ORC5: variants seen among roughly 807,000 people sequenced by gnomAD.
The protein encoded by ORC5 is origin recognition complex subunit 5.
A neutral mutation model predicts 58.8 loss-of-function variants in ORC5; 39 were observed. The ratio of observed to expected loss-of-function variants is 0.66; its 90% CI spans 0.51 to 0.87. The LOEUF (loss-of-function observed/expected upper bound fraction) is 0.87. Ranked by LOEUF, ORC5 falls within the 40% of genes least tolerant of loss-of-function variation. The pLI is 0.00. For missense variants in ORC5, 493 were observed against 506.3 expected (o/e 0.97, Z 0.25); for synonymous variants, 218 against 177.6 (o/e 1.23, Z -1.81).
intron 5 of ORC5, among the ~76,000 whole-genome samples, chr7:104,194,553 C>T (rs1799753068): frequency 1.3e-5 from 2 of 151,622 alleles, no homozygotes; most frequent in South Asian, 4.2e-4. Context: ...AAATAGAGCC[C>T]CCAAGAAAAT....
rs149502670 is a variant in ORC5, at chr7:104,188,877, C to G, written c.554-496G>C. Among the ~76,000 whole-genome samples the G allele has an allele frequency of 4.5e-4, 69 of 152,074 alleles. No homozygotes were observed. In the East Asian group the frequency reaches 0.013, roughly 29 times the overall value. The stretch of plus-strand genomic sequence containing the variant: ...TTGTTTCAAAGTGTGCAGCACTTCC[C>G]CCTTCATGCTCTCTCTCCTGCTGGC... On this transcript the variant is annotated intron_variant, in intron 5 of 13. Coordinates refer to ENST00000297431, the MANE Select transcript of ORC5 (RefSeq NM_002553.4).
At chr7:104,205,907 C>A (rs750838342) in intron 1 of ORC5, among the ~76,000 whole-genome samples, 7 of 152,152 alleles carry the variant, frequency 4.6e-5, no homozygotes, top group Non-Finnish European at 7.3e-5. Flanking sequence ...TACTCGGAGG[C>A]TGAGGTGGGC....
chr7:104,182,475 T>G (rs1799455181), intron 8 of ORC5, among the ~76,000 whole-genome samples: 1 of 152,146 alleles, frequency 6.6e-6, no homozygotes. Context: ...TTAGTCCATC[T>G]AGTGGGCAAC....
intron 3 of ORC5, 85 bp downstream of exon 3, chr7:104,200,673 G>A (rs531164052): frequency 1.2e-6 from 1 of 836,970 alleles, no homozygotes; most frequent in Non-Finnish European, 1.9e-6. Flanking sequence ...TACATAATGA[G>A]ACTCAAAACA....
chr7:104,141,289 T>A (rs149796271), intron 12 of ORC5, among the ~76,000 whole-genome samples: 45 of 152,296 alleles, frequency 3.0e-4, no homozygotes, highest in African/African-American at 1.1e-3. Context: ...CAAATTTGTA[T>A]TCACCGTAGA....
At chr7:104,202,607 G>C (rs955124504) in intron 2 of ORC5, 3 of 432,588 alleles carry the variant, frequency 6.9e-6, no homozygotes, top group Non-Finnish European at 1.4e-5. Flanking sequence ...AGAAACTACA[G>C]TGTGATAAAA....
At position 104,205,086 on chromosome 7, in the gene ORC5, C is replaced by CTTTTTTTTTTTTTT. The variant is rs10672012; in HGVS notation, c.73-866_73-853dup. On this transcript the variant is annotated intron_variant, in intron 1 of 13. Transcript: ENST00000297431. ...GAAAACTTGATTTTTTAATAATACTCTTTTTTTTTTTTTTTTTTTTTGAGA... is the reference window on the plus strand; with the variant it reads ...GAAAACTTGATTTTTTAATAATACTCTTTTTTTTTTTTTTTTTTTTTTTTTTTTTTTTTTTGAGA... Among the ~76,000 whole-genome samples, 85 of 99,446 alleles carry CTTTTTTTTTTTTTT rather than the reference C, an allele frequency of 8.5e-4. 6 individuals carry two copies. Among genetic ancestry groups the CTTTTTTTTTTTTTT allele is most frequent in the African/African-American group, 2.1e-3 (57 of 26,918 alleles). 65.2% of individuals were successfully genotyped at this position (99,446 alleles called of 152,430 possible).
rs1263354432 is a variant in ORC5, at chr7:104,126,793, A to T, written c.*55T>A. 7.3e-7 allele frequency: 1 copy of T among 1,361,848 alleles called. No homozygotes were observed. Among genetic ancestry groups the T allele is most frequent in the Middle Eastern group, 1.8e-4 (1 of 5,512 alleles). The allele number at this position is 1,361,848 out of a possible 1,614,324, so 84.4% of individuals were successfully genotyped here. ...CCTTGGCCAGCTAAGTAGCTGGATG[A>T]ACACAGCTTGGCTTAGTCATTGTCA... On this transcript the variant is annotated 3_prime_UTR_variant, in exon 14 of 14. Coordinates refer to ENST00000297431, the MANE Select transcript of ORC5 (RefSeq NM_002553.4).
At chr7:104,163,589 C>T (rs1464001484) in intron 11 of ORC5, among the ~76,000 whole-genome samples, 3 of 152,180 alleles carry the variant, frequency 2.0e-5, no homozygotes, top group African/African-American at 7.2e-5. Flanking sequence ...CAGGTTCACG[C>T]CATTCTCCCG....
chr7:104,161,970 G>A lies in ORC5; in HGVS notation c.1039-788C>T, dbSNP rs77083652. On this transcript the variant is annotated intron_variant, in intron 11 of 13. Coordinates refer to ENST00000297431, the MANE Select transcript of ORC5 (RefSeq NM_002553.4). ...CTAAAAAGATCAATTACAGTAAGTC[G>A]TAGCTTAACTTAGAAAACTAATAAA... is the stretch of plus-strand genomic sequence containing the variant. Among the ~76,000 whole-genome samples the A allele has an allele frequency of 9.6e-3, 1,455 of 152,146 alleles. 5 individuals are homozygous for A. The highest frequency in any genetic ancestry group is 0.013 in the Non-Finnish European group (891 of 68,002).
intron 12 of ORC5, among the ~76,000 whole-genome samples, chr7:104,146,656 G>C (rs1798757255): frequency 6.6e-6 from 1 of 152,180 alleles, no homozygotes; most frequent in Admixed American, 6.5e-5. Flanking sequence ...GGAAGGGGAG[G>C]AAGAGAGGAA....
intron 2 of ORC5, among the ~76,000 whole-genome samples, chr7:104,203,308 C>T (rs917858707): frequency 2.6e-5 from 4 of 152,136 alleles, no homozygotes; most frequent in African/African-American, 9.7e-5. Context: ...CACAGTCATG[C>T]CCATTCACAT....
intron 8 of ORC5, among the ~76,000 whole-genome samples, chr7:104,172,286 A>G (rs1267849230): frequency 1.3e-5 from 2 of 152,252 alleles, no homozygotes; most frequent in African/African-American, 4.8e-5. Context: ...TTATTATGTA[A>G]GAATCATTTT....
At chr7:104,174,227 G>A (rs1027917922) in intron 8 of ORC5, among the ~76,000 whole-genome samples, 48 of 152,010 alleles carry the variant, frequency 3.2e-4, no homozygotes, top group East Asian at 1.2e-3. Context: ...TTTTTCCCTC[G>A]CTTATTTCTA....
At chr7:104,139,588 T>C (rs931196628) in intron 12 of ORC5, among the ~76,000 whole-genome samples, 1 of 152,070 alleles carries the variant, frequency 6.6e-6, no homozygotes, top group African/African-American at 2.4e-5. Context: ...CTATATTCAG[T>C]AAATAAGAAA....
At chr7:104,172,513 T>A (rs17159771) in intron 8 of ORC5, among the ~76,000 whole-genome samples, 6,940 of 152,198 alleles carry the variant, frequency 0.046, 514 homozygotes, top group African/African-American at 0.16. Flanking sequence ...TATTAAGGAA[T>A]AGTTAGTGAT....
intron 12 of ORC5, among the ~76,000 whole-genome samples, chr7:104,140,748 C>A (rs572122864): frequency 6.6e-6 from 1 of 152,274 alleles, no homozygotes; most frequent in East Asian, 1.9e-4. Context: ...ACAAAGCATG[C>A]CCACCATGTG....
chr7:104,165,602 G>T (rs183934346), intron 10 of ORC5: 75 of 199,952 alleles, frequency 3.8e-4, no homozygotes, highest in African/African-American at 1.6e-3. Context: ...AACTTCCAGA[G>T]ATATGGATTT....
intron 12 of ORC5, among the ~76,000 whole-genome samples, chr7:104,150,193 T>C (rs907757308): frequency 1.3e-5 from 2 of 152,234 alleles, no homozygotes; most frequent in African/African-American, 2.4e-5. Context: ...ACAACTGTAA[T>C]TAATTTTTAA....
Sources: gnomAD v4.1 joint callset for allele counts (sites outside exome capture counted in the v4.1 genomes callset) on GRCh38, gnomAD v4.1.1 for gene constraint, MANE v1.5 for transcripts, NCBI Gene and HGNC (gene_info 2026-07-23, HGNC 2026-07-21) for gene names.